CCDC3: variants seen among roughly 807,000 people sequenced by gnomAD.
The protein encoded by CCDC3 is coiled-coil domain containing 3.
A neutral mutation model predicts 21.4 loss-of-function variants in CCDC3; 24 were observed. The observed-to-expected ratio is 1.12, with a 90% CI of 0.81 to 1.58. CCDC3 has a LOEUF of 1.58. Among genes scored for constraint, CCDC3 ranks in the 40% most tolerant of loss-of-function variants. The pLI is 0.00. For missense variants in CCDC3, 425 were observed against 360.9 expected (o/e 1.18, Z -1.44); for synonymous variants, 186 against 166.0 (o/e 1.12, Z -0.93).
intron 5 of CCDC3, among the ~76,000 whole-genome samples, chr10:13,008,709 T>C (rs1368757631): frequency 6.6e-6 from 1 of 152,208 alleles, no homozygotes; most frequent in Non-Finnish European, 1.5e-5. Context: ...GTCCCACAAG[T>C]CTTAGAAATA....
At chr10:13,034,554 T>C (rs1434082764) in intron 5 of CCDC3, among the ~76,000 whole-genome samples, 1 of 151,898 alleles carries the variant, frequency 6.6e-6, no homozygotes, top group African/African-American at 2.4e-5. Context: ...GGTACATTTT[T>C]CCAAAAGTTT....
At chr10:13,084,488 T>C (rs1370264758) in intron 3 of CCDC3, among the ~76,000 whole-genome samples, 1 of 152,088 alleles carries the variant, frequency 6.6e-6, no homozygotes, top group Non-Finnish European at 1.5e-5. Flanking sequence ...GGGTTCTCCA[T>C]GTTGGTCAGT....
intron 2 of CCDC3, among the ~76,000 whole-genome samples, chr10:12,973,421 A>G (rs1835371914): frequency 6.6e-6 from 1 of 152,182 alleles, no homozygotes; most frequent in Non-Finnish European, 1.5e-5. Context: ...AAATGGGTCA[A>G]AAGTCAGGCA....
At chr10:13,028,072 C>T (rs1589044326) in intron 5 of CCDC3, among the ~76,000 whole-genome samples, 1 of 152,122 alleles carries the variant, frequency 6.6e-6, no homozygotes, top group East Asian at 1.9e-4. Context: ...GTGAAAAAGC[C>T]AGAATGATAT....
At chr10:13,083,923 C>A (rs754674927) in intron 3 of CCDC3, among the ~76,000 whole-genome samples, 1 of 152,198 alleles carries the variant, frequency 6.6e-6, no homozygotes, top group Non-Finnish European at 1.5e-5. Flanking sequence ...AGTAAAATAA[C>A]CTTGCTGAGA....
chr10:12,980,439 C>T (rs911957369), intron 2 of CCDC3, among the ~76,000 whole-genome samples: 5 of 152,270 alleles, frequency 3.3e-5, no homozygotes, highest in African/African-American at 7.2e-5. Context: ...AATGTCCCCA[C>T]GGGTCTGTAA....
At chr10:12,967,875 C>T (rs546099162) in intron 2 of CCDC3, among the ~76,000 whole-genome samples, 21 of 152,100 alleles carry the variant, frequency 1.4e-4, no homozygotes, top group Non-Finnish European at 2.5e-4. Context: ...ATCACACTGT[C>T]AAGTATAAAG....
At chr10:12,954,718 G>A (rs562634874) in intron 2 of CCDC3, among the ~76,000 whole-genome samples, 11 of 152,238 alleles carry the variant, frequency 7.2e-5, no homozygotes, top group African/African-American at 2.4e-4. Context: ...CCACCCCCAT[G>A]ACCCAAACAC....
At chr10:13,091,753 T>C (rs927870192) in intron 3 of CCDC3, among the ~76,000 whole-genome samples, 7 of 150,588 alleles carry the variant, frequency 4.6e-5, no homozygotes, top group African/African-American at 1.5e-4. Flanking sequence ...ATACATAACC[T>C]TTTTTTGTAG....
intron 2 of CCDC3, among the ~76,000 whole-genome samples, chr10:12,906,043 C>A (rs767724682): frequency 9.2e-5 from 14 of 152,202 alleles, no homozygotes; most frequent in Non-Finnish European, 1.9e-4. Context: ...GGAAATGCAG[C>A]TTTGTTCTCC....
intron 3 of CCDC3, among the ~76,000 whole-genome samples, chr10:13,089,795 A>T (rs2131453866): frequency 6.6e-6 from 1 of 151,894 alleles, no homozygotes; most frequent in South Asian, 2.1e-4. Context: ...AGCAGTGGAC[A>T]CTGCACCCAA....
At chr10:12,983,127 AGTGT>A (rs1372365558) in intron 2 of CCDC3, among the ~76,000 whole-genome samples, 3,401 of 47,890 alleles carry the variant, frequency 0.071, 233 homozygotes, top group African/African-American at 0.18. Flanking sequence ...TAAATAAAAT[AGTGT>A]ATATATATAT....
intron 5 of CCDC3, among the ~76,000 whole-genome samples, chr10:13,026,571 A>G (rs1321328281): frequency 6.6e-6 from 1 of 152,196 alleles, no homozygotes; most frequent in African/African-American, 2.4e-5. Context: ...TACCTGGGAT[A>G]TATCTTTTTC....
chr10:13,017,584 C>T (rs902378194), intron 5 of CCDC3, among the ~76,000 whole-genome samples: 1 of 151,408 alleles, frequency 6.6e-6, no homozygotes, highest in African/African-American at 2.4e-5. Context: ...TCAAGTCCAT[C>T]CAACCAATTT....
intron 2 of CCDC3, among the ~76,000 whole-genome samples, chr10:12,928,507 T>C (rs1283260688): frequency 6.6e-6 from 1 of 152,228 alleles, no homozygotes; most frequent in African/African-American, 2.4e-5. Flanking sequence ...TGATCCATTT[T>C]CTTATTCTCT....
chr10:13,042,679 T>C (rs958683131), intron 5 of CCDC3, among the ~76,000 whole-genome samples: 2 of 151,128 alleles, frequency 1.3e-5, no homozygotes, highest in Non-Finnish European at 2.9e-5. Flanking sequence ...GAGGCTGAGG[T>C]GGGCGGATCA....
chr10:13,062,600 C>A (rs755338479), intron 4 of CCDC3, among the ~76,000 whole-genome samples: 5 of 152,170 alleles, frequency 3.3e-5, no homozygotes, highest in Non-Finnish European at 7.3e-5. Context: ...GTTCTAACCT[C>A]CAAGCTATCC....
chr10:13,082,950 G>C (rs1264013955), intron 3 of CCDC3, among the ~76,000 whole-genome samples: 1 of 152,076 alleles, frequency 6.6e-6, no homozygotes, highest in African/African-American at 2.4e-5. Context: ...TCTTCTATGT[G>C]TTTTCTTTAT....
chr10:12,904,772 C>T (rs1834145828), intron 2 of CCDC3, among the ~76,000 whole-genome samples: 1 of 152,070 alleles, frequency 6.6e-6, no homozygotes, highest in African/African-American at 2.4e-5. Flanking sequence ...GAAGTATATC[C>T]ATGATACCAT....
Sources: allele counts gnomAD v4.1 joint callset (sites outside exome capture counted in the v4.1 genomes callset), GRCh38; gene constraint gnomAD v4.1.1; transcripts MANE v1.5; gene names NCBI Gene and HGNC (gene_info 2026-07-23, HGNC 2026-07-21).